The following ENO4 variants were observed in gnomAD, a reference collection of about 807,000 sequenced individuals.
The protein encoded by ENO4 is 2-phospho-D-glycerate hydro-lyase.
A neutral mutation model predicts 63.2 loss-of-function variants in ENO4; 53 were observed. The ratio of observed to expected loss-of-function variants is 0.84; its 90% CI spans 0.67 to 1.05. The LOEUF is 1.05. Among genes scored for constraint, ENO4 ranks in the 50% least tolerant of loss-of-function variants. The probability of loss-of-function intolerance (pLI) is 0.00; values close to 1 mark genes in which losing one functional copy is unlikely to be tolerated. For missense variants in ENO4, 719 were observed against 772.0 expected (o/e 0.93, Z 0.81); for synonymous variants, 266 against 283.8 (o/e 0.94, Z 0.63).
chr10:116,896,500 T>C (rs1012440124), intron 10 of ENO4, among the ~76,000 whole-genome samples: 3 of 152,186 alleles, frequency 2.0e-5, no homozygotes, highest in African/African-American at 7.2e-5. Context: ...TTGGCAGGCA[T>C]ATCAAGTGTC....
At chr10:116,886,845 AT>A (rs1407034719), downstream of ENO4, among the ~76,000 whole-genome samples, 2 of 152,218 alleles carry the variant, frequency 1.3e-5, no homozygotes, top group Non-Finnish European at 1.5e-5. Flanking sequence ...GCTTAATTGC[AT>A]TCTCTTCTCA....
intron 7 of ENO4, among the ~76,000 whole-genome samples, chr10:116,865,532 C>G (rs1846527439): frequency 6.6e-6 from 1 of 152,122 alleles, no homozygotes; most frequent in Admixed American, 6.5e-5. Flanking sequence ...TGTTGCCTGC[C>G]TTTAAATTGT....
At chr10:116,896,866 G>T (rs999149604) in intron 10 of ENO4, among the ~76,000 whole-genome samples, 4 of 150,980 alleles carry the variant, frequency 2.6e-5, no homozygotes. Context: ...GAGTGCAGTG[G>T]CACAATCTGG....
chr10:116,869,483 AAAG>A, intron 8 of ENO4, among the ~76,000 whole-genome samples: 1 of 152,208 alleles, frequency 6.6e-6, no homozygotes, highest in Non-Finnish European at 1.5e-5. Context: ...AGGGGCTAGG[AAAG>A]AAGGGAGAAG....
At chr10:116,863,384 A>ACACACACACG (rs1485920381) in intron 7 of ENO4, among the ~76,000 whole-genome samples, 4 of 151,586 alleles carry the variant, frequency 2.6e-5, no homozygotes, top group Non-Finnish European at 5.9e-5. Flanking sequence ...ACACACACAC[A>ACACACACACG]CACGCACACA....
Position 116,881,636 on chromosome 10 carries a change from G to T in ENO4, c.1845G>T (p.Glu615Asp). 6.5e-7 allele frequency: 1 copy of T among 1,548,666 alleles called. No individual in the cohort carries two copies. Among genetic ancestry groups the T allele is most frequent in the South Asian group, 1.2e-5 (1 of 83,548 alleles). The change falls in exon 14 of 14, where the codon GAG (glutamate) becomes GAT (aspartate). Residue 615 changes from glutamate (E) to aspartate (D), a missense_variant. Transcript: ENST00000341276. ...LVPTFPTQGV[E>D]ESAETGASSG Reference sequence around the variant, plus strand: ...CCACCTTCCCCACACAAGGTGTAGAGGAATCAGCCGAAACAGGAGCATCCT... The same window carrying T: ...CCACCTTCCCCACACAAGGTGTAGATGAATCAGCCGAAACAGGAGCATCCT...
chr10:116,895,511 A>T (rs1333174802), intron 10 of ENO4, among the ~76,000 whole-genome samples: 1 of 152,172 alleles, frequency 6.6e-6, no homozygotes, highest in Non-Finnish European at 1.5e-5. Context: ...TCCCTTGACA[A>T]GAGATCTTTA....
chr10:116,905,551 C>T (rs1410871741), intron 10 of ENO4, among the ~76,000 whole-genome samples: 1 of 152,028 alleles, frequency 6.6e-6, no homozygotes, highest in African/African-American at 2.4e-5. Context: ...TGGTATTAAG[C>T]CACTTTGGGT....
chr10:116,868,650 CCCT>C lies in ENO4; in HGVS notation c.993_995del (p.Ser332del). On this transcript the variant is annotated inframe_deletion and splice_region_variant, in exon 8 of 14. Transcript: ENST00000341276. ...TACATTTTTATCTTCTGCCCCACAGCCCTCTCCTCCAAAAGCAGAGACAAAAAA... is the reference window on the plus strand; with the variant it reads ...TACATTTTTATCTTCTGCCCCACAGCCTCCTCCAAAAGCAGAGACAAAAAA... 2 of 1,550,432 alleles carry C rather than the reference CCCT, an allele frequency of 1.3e-6. No individual in the cohort carries two copies. The highest frequency in any genetic ancestry group is 1.7e-6 in the Non-Finnish European group (2 of 1,146,914).
At position 116,880,720 on chromosome 10, in the gene ENO4, AAGTT is replaced by A. The variant is rs372802855; in HGVS notation, c.1723+738_1723+741del. Among the ~76,000 whole-genome samples the A allele has an allele frequency of 1.4e-4, 21 of 152,344 alleles. No homozygotes were observed. In the South Asian group the frequency reaches 4.2e-3, roughly 30 times the overall value. ...TTCTGAGTCATGTAAGGGCAGTCAA[AAGTT>A]AGTCTGTATTGTTTAGTGTGTAGTA... On this transcript the variant is annotated intron_variant, in intron 13 of 13. Coordinates refer to ENST00000341276, the MANE Select transcript of ENO4 (RefSeq NM_001242699.2).
At chr10:116,853,080 G>A (rs182119125) in intron 1 of ENO4, among the ~76,000 whole-genome samples, 1 of 152,240 alleles carries the variant, frequency 6.6e-6, no homozygotes, top group Admixed American at 6.5e-5. Flanking sequence ...CGGATCACAA[G>A]GTCAGGAGAT....
intron 10 of ENO4, among the ~76,000 whole-genome samples, chr10:116,911,005 C>T (rs1482537891): frequency 6.6e-6 from 1 of 152,208 alleles, no homozygotes; most frequent in African/African-American, 2.4e-5. Flanking sequence ...ATTGGCACAG[C>T]AACAACAAAC....
At chr10:116,884,401 G>T (rs1016675851), downstream of ENO4, 2 of 383,946 alleles carry the variant, frequency 5.2e-6, no homozygotes, top group African/African-American at 4.2e-5. Context: ...CACAGTGAGA[G>T]AAAGTAAGCA....
rs1589768795 is a variant in ENO4 at position 116,881,824 on chromosome 10, A to G, written c.*155A>G. ...AATTCCACTGTTTGGTAAATTACAT[A>G]TATGATGTTTTTGCCTGAAATTCTG... On this transcript the variant is annotated 3_prime_UTR_variant, in exon 14 of 14. Coordinates refer to ENST00000341276, the MANE Select transcript of ENO4 (RefSeq NM_001242699.2). 9.0e-6 allele frequency: 5 copies of G among 557,682 alleles called. No individual in the cohort carries two copies. In the East Asian group the frequency reaches 1.7e-4, roughly 19 times the overall value. The allele number at this position is 557,682 out of a possible 1,614,324, so 34.5% of individuals were successfully genotyped here. A position where few individuals can be genotyped will look rare whatever the true frequency, so the allele number is the denominator to read the frequency against.
At chr10:116,850,728 G>C (rs1463626975) in intron 1 of ENO4, among the ~76,000 whole-genome samples, 2 of 152,080 alleles carry the variant, frequency 1.3e-5, no homozygotes, top group African/African-American at 4.8e-5. Flanking sequence ...AGAGGTGTGG[G>C]GTTTACTGAG....
At position 116,861,046 on chromosome 10, in the gene ENO4, C is replaced by A; in HGVS notation, c.805-13C>A. On this transcript the variant is annotated splice_polypyrimidine_tract_variant and intron_variant, in intron 5 of 13. Transcript: ENST00000341276. ...CCTGTTTCTCATTTTCCCTCGTTTT[C>A]CCCCTATTTCAGGAACAGCCAACAA... 8 of 1,546,872 alleles carry A rather than the reference C, an allele frequency of 5.2e-6. No homozygotes were observed. The highest frequency in any genetic ancestry group is 7.0e-6 in the Non-Finnish European group (8 of 1,145,094).
intron 6 of ENO4, among the ~76,000 whole-genome samples, chr10:116,861,756 G>C (rs1319327971): frequency 6.6e-6 from 1 of 151,932 alleles, no homozygotes; most frequent in Non-Finnish European, 1.5e-5. Flanking sequence ...GAGATGCTTT[G>C]TAAAAAAGTA....
Position 116,849,648 on chromosome 10 carries a change from C to T in ENO4, c.82C>T (p.Arg28Trp), listed in dbSNP as rs1564840810. The change falls in exon 1 of 14, where the codon CGG becomes TGG. Residue 28 changes from arginine (R) to tryptophan (W), a missense_variant. Coordinates refer to ENST00000341276, the MANE Select transcript of ENO4 (RefSeq NM_001242699.2). ...GAAGCAGCAGGCGATGGAGTACTAC[C>T]GGGAGAACGACGTTCCGCGCAGGCT... ...KLKQQAMEYY[R>W]ENDVPRRLEE... is the part of the protein sequence containing the mutation. 1.3e-6 allele frequency: 2 copies of T among 1,550,244 alleles called. No individual in the cohort carries two copies. The highest frequency in any genetic ancestry group is 1.4e-5 in the African/African-American group (1 of 73,162).
At chr10:116,872,458 C>G (rs1269764618) in intron 9 of ENO4, among the ~76,000 whole-genome samples, 1 of 151,976 alleles carries the variant, frequency 6.6e-6, no homozygotes, top group Non-Finnish European at 1.5e-5. Flanking sequence ...GTGAATAAGT[C>G]TCACTAGATC....
Sources: allele counts gnomAD v4.1 joint callset (sites outside exome capture counted in the v4.1 genomes callset), GRCh38; gene constraint gnomAD v4.1.1; transcripts MANE v1.5; gene names NCBI Gene and HGNC (gene_info 2026-07-23, HGNC 2026-07-21).